The following GLMN variants were observed in gnomAD, a reference collection of about 807,000 sequenced individuals.
GLMN encodes glomulin, FKBP associated protein.
GLMN carries 75 observed loss-of-function variants against 87.8 expected under a neutral mutation model. The ratio of observed to expected loss-of-function variants is 0.85; its 90% CI spans 0.71 to 1.04. The LOEUF (loss-of-function observed/expected upper bound fraction) is 1.04, where lower values mean the gene tolerates loss of function less well. GLMN is among the 50% of genes least tolerant of loss of function. The probability of loss-of-function intolerance (pLI) is 0.00; values close to 1 mark genes in which losing one functional copy is unlikely to be tolerated. For missense variants in GLMN, 588 were observed against 658.8 expected (o/e 0.89, Z 1.18); for synonymous variants, 206 against 221.6 (o/e 0.93, Z 0.63).
Position 92,297,561 on chromosome 1 carries a change from A to G in GLMN, c.40-32T>C, listed in dbSNP as rs752305882. 78 of 1,556,032 alleles carry G rather than the reference A, an allele frequency of 5.0e-5. 1 individual carries two copies. The South Asian group carries it at 8.7e-4, about 17-fold the overall frequency. On this transcript the variant is annotated intron_variant, in intron 2 of 18. Coordinates refer to ENST00000370360, the MANE Select transcript of GLMN (RefSeq NM_053274.3). Reference sequence around the variant, plus strand: ...AAAAAAAAAAAAACCCAAAAAACAAACAAAAAAAAGTATATGCAAATAAAA... The same window carrying G: ...AAAAAAAAAAAAACCCAAAAAACAAGCAAAAAAAAGTATATGCAAATAAAA...
the GLMN span, among the ~76,000 whole-genome samples, chr1:92,316,894 T>A: frequency 6.6e-6 from 1 of 152,222 alleles, no homozygotes; most frequent in Admixed American, 6.5e-5. Context: ...CAGGTACCAT[T>A]CTTTATAGAT....
At chr1:92,302,024 TA>T (rs1345628382), upstream of GLMN, among the ~76,000 whole-genome samples, 2 of 152,228 alleles carry the variant, frequency 1.3e-5, no homozygotes, top group Non-Finnish European at 2.9e-5. Flanking sequence ...ATGGCTCATG[TA>T]ATCCCAGCAC....
the GLMN span, among the ~76,000 whole-genome samples, chr1:92,346,111 A>ATCTTTTCT: frequency 6.6e-6 from 1 of 151,408 alleles, no homozygotes; most frequent in African/African-American, 2.4e-5. Flanking sequence ...ATTTTTTACC[A>ATCTTTTCT]TCTTTTCTTC....
chr1:92,301,452 TTAAG>T (rs1462440078), upstream of GLMN: 8 of 1,272,206 alleles, frequency 6.3e-6, no homozygotes, highest in Non-Finnish European at 9.0e-6. Flanking sequence ...TTTAAGTAGA[TTAAG>T]TTTCTCTTTC....
At chr1:92,263,553 G>A (rs1655275153) in intron 15 of GLMN, 70 bp downstream of exon 15, 1 of 795,328 alleles carries the variant, frequency 1.3e-6, no homozygotes, top group Non-Finnish European at 2.3e-6. Flanking sequence ...TATTACTTTA[G>A]GTTCCCTAAG....
chr1:92,280,681 G>C (rs1284559641), intron 7 of GLMN, among the ~76,000 whole-genome samples: 1 of 151,810 alleles, frequency 6.6e-6, no homozygotes, highest in Non-Finnish European at 1.5e-5. Flanking sequence ...AGCTAAAGGA[G>C]CATGTTCTAA....
chr1:92,251,017 G>A (rs2100787437), intron 16 of GLMN, among the ~76,000 whole-genome samples: 1 of 152,194 alleles, frequency 6.6e-6, no homozygotes, highest in East Asian at 1.9e-4. Flanking sequence ...CCAGCAATCT[G>A]ATTTTTGTTA....
chr1:92,364,075 AG>A, the GLMN span, among the ~76,000 whole-genome samples: 1 of 152,090 alleles, frequency 6.6e-6, no homozygotes, highest in Non-Finnish European at 1.5e-5. Context: ...ATAATGGAGT[AG>A]TCATTGAGAG....
the GLMN span, among the ~76,000 whole-genome samples, chr1:92,349,652 G>A: frequency 3.9e-5 from 6 of 152,180 alleles, no homozygotes; most frequent in African/African-American, 9.7e-5. Context: ...TCTGTGCCAG[G>A]TGCAGTGGCT....
chr1:92,347,348 C>T, the GLMN span, among the ~76,000 whole-genome samples: 1 of 152,178 alleles, frequency 6.6e-6, no homozygotes, highest in Non-Finnish European at 1.5e-5. Context: ...TCTCTGCTCA[C>T]CCACCAGATC....
the GLMN span, among the ~76,000 whole-genome samples, chr1:92,317,098 G>A: frequency 6.6e-6 from 1 of 152,134 alleles, no homozygotes; most frequent in South Asian, 2.1e-4. Flanking sequence ...ACTAAATAGA[G>A]GCAACAGGAT....
chr1:92,326,426 G>A, the GLMN span, among the ~76,000 whole-genome samples: 1 of 152,116 alleles, frequency 6.6e-6, no homozygotes, highest in African/African-American at 2.4e-5. Context: ...TACTATTTTT[G>A]TGCTGGTTAG....
chr1:92,280,498 A>G (rs1647892632), intron 7 of GLMN, among the ~76,000 whole-genome samples: 1 of 152,216 alleles, frequency 6.6e-6, no homozygotes, highest in African/African-American at 2.4e-5. Context: ...ATAAAACCAC[A>G]AAGATGGGGA....
At chr1:92,332,510 T>C in the GLMN span, among the ~76,000 whole-genome samples, 5 of 152,150 alleles carry the variant, frequency 3.3e-5, no homozygotes, top group African/African-American at 1.2e-4. Flanking sequence ...ATATTAAAAA[T>C]TACAGAGATA....
At chr1:92,264,391 G>A (rs1338862262) in intron 14 of GLMN, among the ~76,000 whole-genome samples, 163 bp downstream of exon 14, 1 of 150,596 alleles carries the variant, frequency 6.6e-6, no homozygotes, top group African/African-American at 2.5e-5. Context: ...CAAATTCAGA[G>A]TTTTTAAAAC....
In GLMN at chr1:92,271,650, AC is replaced by A; in HGVS notation, c.737del (p.Gly246ValfsTer13). ...PFRYFASEII[G>X]FLSAIGHPFP... ...AAGGGTGTCCAATTGCTGATAAAAA[AC>A]CCTATGAAATGGATAAAAAAGGAAA... On this transcript the variant is annotated frameshift_variant and splice_region_variant, in exon 8 of 19. Transcript: ENST00000370360. LOFTEE classifies it high-confidence loss of function. 3 of 1,608,504 alleles carry A rather than the reference AC, an allele frequency of 1.9e-6. No homozygotes were observed. Among genetic ancestry groups the A allele is most frequent in the African/African-American group, 1.3e-5 (1 of 74,836 alleles).
intron 6 of GLMN, 45 bp from the exon 7 acceptor site, chr1:92,286,637 T>C: frequency 1.1e-6 from 1 of 900,554 alleles, no homozygotes; most frequent in East Asian, 2.4e-5. Flanking sequence ...CACTTCCAAG[T>C]ATAAAATCCC....
chr1:92,294,681 T>TTTG (rs956291366), intron 3 of GLMN, among the ~76,000 whole-genome samples: 17 of 152,140 alleles, frequency 1.1e-4, no homozygotes, highest in African/African-American at 2.7e-4. Flanking sequence ...TAGTCAGTTT[T>TTTG]TTGTTGTTGT....
the GLMN span, among the ~76,000 whole-genome samples, chr1:92,359,583 G>T: frequency 6.6e-6 from 1 of 152,250 alleles, no homozygotes; most frequent in Admixed American, 6.5e-5. Context: ...GCCTCCCAAA[G>T]TGCTGGGATT....
Sources: gnomAD v4.1 joint callset for allele counts (sites outside exome capture counted in the v4.1 genomes callset) on GRCh38, gnomAD v4.1.1 for gene constraint, MANE v1.5 for transcripts, NCBI Gene and HGNC (gene_info 2026-07-23, HGNC 2026-07-21) for gene names.